Variants in ASIC2 observed in about 807,000 individuals in gnomAD.
The protein encoded by ASIC2 is acid-sensing ion channel 2.
Under a neutral mutation model 57.3 loss-of-function variants are expected in ASIC2, and 25 were observed. The ratio of observed to expected loss-of-function variants is 0.44; its 90% CI spans 0.32 to 0.61. ASIC2 has a LOEUF of 0.61. ASIC2 is among the 20% of genes least tolerant of loss of function. The pLI is 0.06. For missense variants in ASIC2, 641 were observed against 738.1 expected, an observed-to-expected ratio of 0.87 and a Z score of 1.52; for synonymous variants, 319 against 307.5, an observed-to-expected ratio of 1.04 and a Z score of -0.39.
intron 1 of ASIC2, among the ~76,000 whole-genome samples, chr17:33,597,682 C>T (rs976524653): frequency 1.4e-4 from 22 of 152,176 alleles, no homozygotes; most frequent in African/African-American, 4.8e-4. Flanking sequence ...ATGGAATCAG[C>T]GATGGAAGAG....
At chr17:33,019,688 C>T (rs1416213654) in intron 7 of ASIC2, among the ~76,000 whole-genome samples, 2 of 152,072 alleles carry the variant, frequency 1.3e-5, no homozygotes, top group African/African-American at 4.8e-5. Flanking sequence ...GCATGAGCTC[C>T]TCAGCCGGCT....
chr17:33,176,594 C>T (rs1295993237), intron 1 of ASIC2, among the ~76,000 whole-genome samples: 4 of 152,346 alleles, frequency 2.6e-5, no homozygotes, highest in Non-Finnish European at 5.9e-5. Context: ...TTCTTCCTGC[C>T]TTGGCCTCCC....
chr17:34,002,183 T>C (rs777550855), intron 1 of ASIC2: 2 of 152,268 alleles, frequency 1.3e-5, no homozygotes, highest in African/African-American at 4.8e-5. Context: ...GTGATAGGAC[T>C]CTACAAACCA....
chr17:33,640,473 C>T (rs1253788310), intron 1 of ASIC2, among the ~76,000 whole-genome samples: 4 of 152,238 alleles, frequency 2.6e-5, no homozygotes, highest in Non-Finnish European at 4.4e-5. Context: ...CTGGATTAGA[C>T]AGCCAATCTC....
chr17:33,506,412 C>CAAAA (rs71144886), intron 1 of ASIC2, among the ~76,000 whole-genome samples: 1 of 66,866 alleles, frequency 1.5e-5, no homozygotes, highest in Non-Finnish European at 3.2e-5. Context: ...GACTCCGTCT[C>CAAAA]AAAAAAAAAA....
Position 33,164,576 on chromosome 17 carries a change from G to GCACACACA in ASIC2, c.709-52517_709-52510dup, listed in dbSNP as rs35380225. Reference sequence around the variant, plus strand: ...ACAGCTGTCCCAAAAGCACATGCACGCACACACACACACACACACACACAC... The same window carrying GCACACACA: ...ACAGCTGTCCCAAAAGCACATGCACGCACACACACACACACACACACACACACACACAC... On this transcript the variant is annotated intron_variant, in intron 1 of 9. Transcript: ENST00000225823. 4.3e-3 allele frequency among the ~76,000 whole-genome samples: 648 copies of GCACACACA among 149,882 alleles called. 4 individuals are homozygous for GCACACACA. Among genetic ancestry groups the GCACACACA allele is most frequent in the African/African-American group, 0.015 (603 of 40,830 alleles).
intron 1 of ASIC2, among the ~76,000 whole-genome samples, chr17:33,868,125 T>A (rs1914291256): frequency 6.6e-6 from 1 of 152,136 alleles, no homozygotes; most frequent in Non-Finnish European, 1.5e-5. Context: ...TAATCAAATC[T>A]CAGCTATAAT....
intron 1 of ASIC2, among the ~76,000 whole-genome samples, chr17:33,681,190 C>T: frequency 6.6e-6 from 1 of 152,218 alleles, no homozygotes; most frequent in East Asian, 1.9e-4. Flanking sequence ...CTTTCCCTGG[C>T]CCAGGGGAGC....
intron 1 of ASIC2, among the ~76,000 whole-genome samples, chr17:33,699,462 G>A (rs956080478): frequency 6.6e-6 from 1 of 152,170 alleles, no homozygotes; most frequent in African/African-American, 2.4e-5. Context: ...ATTAGTGTGG[G>A]ATTTGATGCA....
intron 1 of ASIC2, among the ~76,000 whole-genome samples, chr17:33,244,580 G>C (rs1192624962): frequency 6.6e-6 from 1 of 152,174 alleles, no homozygotes; most frequent in East Asian, 1.9e-4. Flanking sequence ...GGTAACAAAG[G>C]CAGGATAATC....
chr17:33,696,391 A>G (rs1908529435), intron 1 of ASIC2, among the ~76,000 whole-genome samples: 1 of 152,190 alleles, frequency 6.6e-6, no homozygotes, highest in Non-Finnish European at 1.5e-5. Context: ...AAAGAGACAC[A>G]TTTATTCATG....
At chr17:33,131,119 G>A (rs577569007) in intron 1 of ASIC2, among the ~76,000 whole-genome samples, 23 of 152,252 alleles carry the variant, frequency 1.5e-4, no homozygotes, top group Non-Finnish European at 1.5e-4. Context: ...TTTACAAAGG[G>A]GAGACGAGCC....
intron 1 of ASIC2, among the ~76,000 whole-genome samples, chr17:33,994,466 C>G (rs747283614): frequency 6.6e-6 from 1 of 152,020 alleles, no homozygotes; most frequent in Non-Finnish European, 1.5e-5. Flanking sequence ...TCTGTGGGTC[C>G]CTAAGTCATG....
chr17:33,142,571 G>T (rs1383562851), intron 1 of ASIC2, among the ~76,000 whole-genome samples: 1 of 152,172 alleles, frequency 6.6e-6, no homozygotes, highest in Non-Finnish European at 1.5e-5. Context: ...CTCTGAAGAA[G>T]ACAGAGCACA....
chr17:33,499,698 C>T (rs1914044089), intron 1 of ASIC2, among the ~76,000 whole-genome samples: 1 of 152,254 alleles, frequency 6.6e-6, no homozygotes, highest in Non-Finnish European at 1.5e-5. Context: ...TGTTGGGCAG[C>T]AGACCTAAGC....
chr17:33,843,273 A>C (rs72816935), intron 1 of ASIC2, among the ~76,000 whole-genome samples: 24,162 of 152,194 alleles, frequency 0.16, 2,369 homozygotes, highest in South Asian at 0.25. Context: ...GTGGTCAATG[A>C]ACATTGGGTG....
intron 3 of ASIC2, among the ~76,000 whole-genome samples, chr17:33,075,116 G>C (rs747795502): frequency 3.3e-5 from 5 of 152,168 alleles, no homozygotes; most frequent in Non-Finnish European, 7.3e-5. Flanking sequence ...TTGTGGGAGG[G>C]ACTAGGTGGG....
chr17:33,198,126 G>A (rs1906711413), intron 1 of ASIC2, among the ~76,000 whole-genome samples: 1 of 152,192 alleles, frequency 6.6e-6, no homozygotes, highest in African/African-American at 2.4e-5. Flanking sequence ...AAGGCAGGTG[G>A]ATTACTTGAG....
intron 1 of ASIC2, among the ~76,000 whole-genome samples, chr17:33,228,447 G>A (rs957317836): frequency 5.3e-5 from 8 of 152,252 alleles, no homozygotes; most frequent in Non-Finnish European, 1.2e-4. Flanking sequence ...CTCCCGAGGA[G>A]GCAGGCCCAT....
Sources: allele counts gnomAD v4.1 joint callset (sites outside exome capture counted in the v4.1 genomes callset), GRCh38; gene constraint gnomAD v4.1.1; transcripts MANE v1.5; gene names NCBI Gene and HGNC (gene_info 2026-07-23, HGNC 2026-07-21).